PABPC4L: variants seen among roughly 807,000 people sequenced by gnomAD.
The protein encoded by PABPC4L is poly(A) binding protein cytoplasmic 4 like, also known as polyadenylate-binding protein 4-like.
For missense variants in PABPC4L, 452 were observed against 451.4 expected (o/e 1.00, Z -0.01); for synonymous variants, 169 against 164.1 (o/e 1.03, Z -0.23).
At chr4:133,995,280 T>C in the PABPC4L span, among the ~76,000 whole-genome samples, 1 of 152,212 alleles carries the variant, frequency 6.6e-6, no homozygotes, top group Non-Finnish European at 1.5e-5. Flanking sequence ...CCTCTTCGTA[T>C]GACCTGACTC....
the PABPC4L span, among the ~76,000 whole-genome samples, chr4:134,063,562 C>T: frequency 1.3e-5 from 2 of 151,978 alleles, no homozygotes; most frequent in Non-Finnish European, 2.9e-5. Context: ...ATAATATAAA[C>T]ACTTGCCAAT....
At chr4:133,957,401 G>A in the PABPC4L span, among the ~76,000 whole-genome samples, 1 of 152,148 alleles carries the variant, frequency 6.6e-6, no homozygotes, top group Admixed American at 6.5e-5. Context: ...GGGCTTCTAT[G>A]GCCTTCAGCA....
chr4:134,039,124 T>C, the PABPC4L span, among the ~76,000 whole-genome samples: 1 of 152,272 alleles, frequency 6.6e-6, no homozygotes, highest in African/African-American at 2.4e-5. Flanking sequence ...TCCATGTAGT[T>C]GTGCGGTTTT....
the PABPC4L span, among the ~76,000 whole-genome samples, chr4:134,085,048 A>G: frequency 6.6e-6 from 1 of 152,014 alleles, no homozygotes; most frequent in African/African-American, 2.4e-5. Flanking sequence ...CCTCCTGCAA[A>G]TGGTGCGAAT....
the PABPC4L span, among the ~76,000 whole-genome samples, chr4:134,031,951 T>G: frequency 6.6e-6 from 1 of 151,892 alleles, no homozygotes; most frequent in Admixed American, 6.6e-5. Context: ...ATAGATCAAT[T>G]TTTGAAGAGA....
At chr4:133,997,172 G>A in the PABPC4L span, among the ~76,000 whole-genome samples, 2 of 151,980 alleles carry the variant, frequency 1.3e-5, no homozygotes, top group Non-Finnish European at 2.9e-5. Flanking sequence ...ATCCTAAAAC[G>A]ACCTCTAAGT....
chr4:134,085,744 T>C, the PABPC4L span, among the ~76,000 whole-genome samples: 1 of 152,182 alleles, frequency 6.6e-6, no homozygotes, highest in African/African-American at 2.4e-5. Context: ...TTGTTTCATA[T>C]GTTTATTTTC....
At chr4:134,183,238 A>T in the PABPC4L span, among the ~76,000 whole-genome samples, 39 of 152,172 alleles carry the variant, frequency 2.6e-4, no homozygotes, top group Non-Finnish European at 5.2e-4. Context: ...GGATAAAAGA[A>T]AATATGGTAC....
the PABPC4L span, among the ~76,000 whole-genome samples, chr4:134,158,769 A>C: frequency 6.6e-6 from 1 of 152,194 alleles, no homozygotes; most frequent in African/African-American, 2.4e-5. Context: ...TGTGCCTCTT[A>C]ATGATGGGGA....
chr4:134,140,813 T>C, the PABPC4L span, among the ~76,000 whole-genome samples: 1 of 151,682 alleles, frequency 6.6e-6, no homozygotes, highest in Non-Finnish European at 1.5e-5. Context: ...ACTTGCAAGG[T>C]GACTGGATGG....
chr4:133,970,732 G>C, the PABPC4L span, among the ~76,000 whole-genome samples: 4 of 152,030 alleles, frequency 2.6e-5, no homozygotes, highest in Non-Finnish European at 5.9e-5. Context: ...TAGGTGATTA[G>C]GTCATGAGAG....
the PABPC4L span, among the ~76,000 whole-genome samples, chr4:133,968,194 G>A: frequency 1.5e-4 from 23 of 152,270 alleles, no homozygotes; most frequent in African/African-American, 5.5e-4. Context: ...TTTCTTTGAG[G>A]TTTAGGATTC....
At chr4:134,096,023 A>C in the PABPC4L span, among the ~76,000 whole-genome samples, 1 of 152,006 alleles carries the variant, frequency 6.6e-6, no homozygotes, top group East Asian at 1.9e-4. Flanking sequence ...CCCCATGAGA[A>C]TGTAAGCTTC....
At chr4:134,037,420 G>T in the PABPC4L span, among the ~76,000 whole-genome samples, 1 of 152,036 alleles carries the variant, frequency 6.6e-6, no homozygotes, top group Non-Finnish European at 1.5e-5. Context: ...TTGTAAAAGG[G>T]ATTTATTCTT....
chr4:134,050,389 T>C, the PABPC4L span, among the ~76,000 whole-genome samples: 1 of 152,104 alleles, frequency 6.6e-6, no homozygotes, highest in African/African-American at 2.4e-5. Flanking sequence ...AAAGCATGAA[T>C]GGACACTGTA....
downstream of PABPC4L, among the ~76,000 whole-genome samples, chr4:134,195,532 G>A (rs1391512376): frequency 1.3e-5 from 2 of 151,676 alleles, no homozygotes; most frequent in Admixed American, 1.3e-4. Flanking sequence ...TTTAAAATAA[G>A]GATTTTTAAA....
chr4:134,076,999 G>A, the PABPC4L span, among the ~76,000 whole-genome samples: 23 of 152,030 alleles, frequency 1.5e-4, no homozygotes, highest in Admixed American at 1.5e-3. Flanking sequence ...TTTATAGCAT[G>A]AATAGTTCAT....
At chr4:134,177,314 T>C in the PABPC4L span, among the ~76,000 whole-genome samples, 1 of 151,516 alleles carries the variant, frequency 6.6e-6, no homozygotes, top group Non-Finnish European at 1.5e-5. Flanking sequence ...CAGCTGGGAC[T>C]ACAGGTGCAT....
the PABPC4L span, among the ~76,000 whole-genome samples, chr4:133,969,830 T>C: frequency 1.3e-5 from 2 of 152,172 alleles, no homozygotes; most frequent in Non-Finnish European, 1.5e-5. Context: ...TTATCTTGAC[T>C]ATCATACTTC....
Sources: allele counts gnomAD v4.1 joint callset (sites outside exome capture counted in the v4.1 genomes callset), GRCh38; gene constraint gnomAD v4.1.1; transcripts MANE v1.5; gene names NCBI Gene and HGNC (gene_info 2026-07-23, HGNC 2026-07-21).